CEP112: variants seen among roughly 807,000 people sequenced by gnomAD.
CEP112 encodes centrosomal protein of 112 kDa.
A neutral mutation model predicts 153.0 loss-of-function variants in CEP112; 127 were observed. The ratio of observed to expected loss-of-function variants is 0.83; its 90% CI spans 0.72 to 0.96. CEP112 has a LOEUF of 0.96. Among genes scored for constraint, CEP112 ranks in the 40% least tolerant of loss-of-function variants. CEP112 has a pLI of 0.00. For synonymous variants in CEP112, 358 were observed against 374.4 expected (o/e 0.96, Z 0.51); for missense variants, 1,089 against 1,101.2 (o/e 0.99, Z 0.16).
chr17:66,061,889 G>A (rs1449851893), intron 11 of CEP112, among the ~76,000 whole-genome samples: 1 of 152,136 alleles, frequency 6.6e-6, no homozygotes, highest in Non-Finnish European at 1.5e-5. Context: ...ATCTTGAATT[G>A]TAATCCCCAT....
intron 12 of CEP112, among the ~76,000 whole-genome samples, chr17:66,048,100 GTTTTT>G (rs5821549): frequency 6.7e-6 from 1 of 148,298 alleles, no homozygotes; most frequent in Non-Finnish European, 1.5e-5. Context: ...TATCATTTTT[GTTTTT>G]TTTTTTATTT....
chr17:65,970,302 G>T (rs574200296), intron 17 of CEP112, among the ~76,000 whole-genome samples: 4 of 116,632 alleles, frequency 3.4e-5, no homozygotes, highest in South Asian at 4.6e-4. Context: ...CATACTGCAT[G>T]TGTATCTCAT....
intron 18 of CEP112, among the ~76,000 whole-genome samples, chr17:65,938,468 A>G (rs927621397): frequency 3.9e-5 from 6 of 152,062 alleles, no homozygotes; most frequent in African/African-American, 1.4e-4. Context: ...AATAATCAAC[A>G]TGTATGACAA....
intron 21 of CEP112, among the ~76,000 whole-genome samples, chr17:65,787,056 T>C (rs1386825456): frequency 6.6e-6 from 1 of 152,228 alleles, no homozygotes. Flanking sequence ...TCTGTTTCTT[T>C]GGTCAGTCTA....
chr17:65,969,652 CAT>C (rs1264152737), intron 17 of CEP112, among the ~76,000 whole-genome samples: 3 of 152,146 alleles, frequency 2.0e-5, no homozygotes, highest in Admixed American at 1.3e-4. Context: ...GCATATATGA[CAT>C]GTATAACACT....
intron 21 of CEP112, among the ~76,000 whole-genome samples, chr17:65,752,038 C>CCATT (rs1365303131): frequency 6.6e-6 from 1 of 150,432 alleles, no homozygotes; most frequent in African/African-American, 2.5e-5. Context: ...ATCCATCCAT[C>CCATT]CATCCATCCA....
intron 2 of CEP112, among the ~76,000 whole-genome samples, chr17:66,177,520 G>C (rs142079441): frequency 6.6e-6 from 1 of 152,056 alleles, no homozygotes; most frequent in Non-Finnish European, 1.5e-5. Flanking sequence ...TATAATAGTC[G>C]CATCAGGATA....
intron 23 of CEP112, among the ~76,000 whole-genome samples, chr17:65,736,285 G>A (rs1379329880): frequency 6.6e-6 from 1 of 152,122 alleles, no homozygotes. Flanking sequence ...GATGACGGTG[G>A]TACTTTAATT....
chr17:65,721,410 C>A (rs534823123), intron 23 of CEP112, among the ~76,000 whole-genome samples: 1 of 152,296 alleles, frequency 6.6e-6, no homozygotes, highest in South Asian at 2.1e-4. Flanking sequence ...TTTAAAAAGA[C>A]TGGGCTCCAG....
intron 20 of CEP112, among the ~76,000 whole-genome samples, chr17:65,880,107 A>T (rs557617857): frequency 1.2e-3 from 186 of 152,292 alleles, no homozygotes; most frequent in African/African-American, 3.8e-3. Flanking sequence ...GGTATTTTTT[A>T]AAAAATATGT....
At position 66,096,442 on chromosome 17, in the gene CEP112, G is replaced by GA. The variant is rs1262697812; in HGVS notation, c.691-115dup. On this transcript the variant is annotated intron_variant, in intron 7 of 26. Transcript: ENST00000535342. Reference sequence around the variant, plus strand: ...TACCAAAATAGTACTAACACTGCAGGAAAAAATCACTTCCAAGTGATAAAA... The same window carrying GA: ...TACCAAAATAGTACTAACACTGCAGGAAAAAAATCACTTCCAAGTGATAAAA... The GA allele has an allele frequency of 1.2e-5, 14 of 1,164,580 alleles. No individual in the cohort carries two copies. The Middle Eastern group carries it at 1.4e-3, about 115-fold the overall frequency. 72.1% of individuals were successfully genotyped at this position (1,164,580 alleles called of 1,614,324 possible). A position where few individuals can be genotyped will look rare whatever the true frequency, so the allele number is the denominator to read the frequency against.
intron 16 of CEP112, among the ~76,000 whole-genome samples, chr17:66,026,749 A>C (rs9912561): frequency 0.52 from 78,292 of 151,998 alleles, 21,085 homozygotes; most frequent in African/African-American, 0.59. Context: ...AAGTCATCTC[A>C]TAATAACTTA....
intron 20 of CEP112, among the ~76,000 whole-genome samples, chr17:65,893,494 TTAAAA>T (rs1375717362): frequency 6.6e-6 from 1 of 152,122 alleles, no homozygotes; most frequent in Non-Finnish European, 1.5e-5. Context: ...AAGACGTAAT[TTAAAA>T]TAATTATTAA....
chr17:65,764,784 T>C (rs1468656403), intron 21 of CEP112, among the ~76,000 whole-genome samples: 2 of 150,400 alleles, frequency 1.3e-5, no homozygotes, highest in Admixed American at 1.3e-4. Flanking sequence ...TTTAAGGACT[T>C]ACTACTGCTA....
At chr17:65,639,826 C>CTCTT (rs1186661836) in intron 25 of CEP112, among the ~76,000 whole-genome samples, 3 of 141,494 alleles carry the variant, frequency 2.1e-5, no homozygotes, top group Non-Finnish European at 3.0e-5. Context: ...TTTTTTTTCT[C>CTCTT]TCTTTCTTTC....
chr17:65,886,434 T>C (rs2059280191), intron 20 of CEP112, among the ~76,000 whole-genome samples: 3 of 152,238 alleles, frequency 2.0e-5, no homozygotes, highest in Admixed American at 2.0e-4. Context: ...TTCTGATTAA[T>C]GACACATGAT....
intron 6 of CEP112, among the ~76,000 whole-genome samples, chr17:66,109,666 T>G: frequency 6.6e-6 from 1 of 152,178 alleles, no homozygotes; most frequent in Non-Finnish European, 1.5e-5. Flanking sequence ...AGAATCCATT[T>G]TGGACAGTCT....
chr17:65,804,776 A>T (rs2055491174), intron 21 of CEP112, among the ~76,000 whole-genome samples: 1 of 152,186 alleles, frequency 6.6e-6, no homozygotes. Flanking sequence ...TATGAATCAT[A>T]TCCTCAGTAT....
At chr17:65,709,676 C>T (rs2144695118) in intron 23 of CEP112, among the ~76,000 whole-genome samples, 1 of 152,274 alleles carries the variant, frequency 6.6e-6, no homozygotes, top group South Asian at 2.1e-4. Flanking sequence ...TGGATAAAAC[C>T]ATCATCTGGT....
Sources: allele counts gnomAD v4.1 joint callset (sites outside exome capture counted in the v4.1 genomes callset), GRCh38; gene constraint gnomAD v4.1.1; transcripts MANE v1.5; gene names NCBI Gene and HGNC (gene_info 2026-07-23, HGNC 2026-07-21).